The following SAMSN1 variants were observed in gnomAD, a reference collection of about 807,000 sequenced individuals.
SAMSN1 encodes SAM domain, SH3 domain and nuclear localization signals 1, also known as SAM domain-containing protein SAMSN-1.
In SAMSN1, 31 loss-of-function variants were observed where a neutral mutation model predicts 42.0. That is an observed-to-expected ratio of 0.74 (90% CI 0.55 to 1.00). SAMSN1 has a LOEUF of 1.00. Among genes scored for constraint, SAMSN1 ranks in the 50% least tolerant of loss-of-function variants. SAMSN1 has a pLI of 0.00. For missense variants in SAMSN1, 464 were observed against 439.4 expected, an observed-to-expected ratio of 1.06 and a Z score of -0.50; for synonymous variants, 178 against 151.9, an observed-to-expected ratio of 1.17 and a Z score of -1.26.
intron 1 of SAMSN1, among the ~76,000 whole-genome samples, chr21:14,644,231 G>A (rs1184360176): frequency 2.0e-5 from 3 of 152,184 alleles, no homozygotes; most frequent in South Asian, 2.1e-4. Flanking sequence ...CCTAACCCTA[G>A]GCTGCATATC....
upstream of SAMSN1, among the ~76,000 whole-genome samples, chr21:14,584,124 A>T (rs577771595): frequency 6.6e-6 from 1 of 152,316 alleles, no homozygotes; most frequent in South Asian, 2.1e-4. Context: ...ATATAGATGG[A>T]ACAAGAGGTT....
chr21:14,582,631 G>T (rs1981779651), intron 1 of SAMSN1: 2 of 421,044 alleles, frequency 4.8e-6, no homozygotes, highest in Admixed American at 4.1e-5. Flanking sequence ...ATTTACAGCA[G>T]CATTTATTTA....
intron 1 of SAMSN1, among the ~76,000 whole-genome samples, chr21:14,529,675 A>G (rs1441360303): frequency 6.6e-6 from 1 of 152,244 alleles, no homozygotes; most frequent in African/African-American, 2.4e-5. Context: ...GCTAAATAGA[A>G]TCCTGTTCAA....
chr21:14,635,531 T>G (rs182420381), intron 2 of SAMSN1, among the ~76,000 whole-genome samples: 205 of 152,326 alleles, frequency 1.3e-3, no homozygotes, highest in South Asian at 2.7e-3. Context: ...GGTTTTCTAA[T>G]GCGCATCAAC....
chr21:14,544,516 C>T (rs553672682), intron 1 of SAMSN1, among the ~76,000 whole-genome samples: 2 of 152,246 alleles, frequency 1.3e-5, no homozygotes, highest in Admixed American at 1.3e-4. Flanking sequence ...ATGCCTGTGC[C>T]TCTATATTCA....
At chr21:14,491,071 G>T (rs1384960046) in intron 7 of SAMSN1, among the ~76,000 whole-genome samples, 1 of 152,254 alleles carries the variant, frequency 6.6e-6, no homozygotes, top group East Asian at 1.9e-4. Flanking sequence ...ACCAAATAAC[G>T]TTTAAAACTG....
chr21:14,549,991 C>T (rs546518803), upstream of SAMSN1, among the ~76,000 whole-genome samples: 73 of 151,996 alleles, frequency 4.8e-4, no homozygotes, highest in African/African-American at 1.4e-3. Flanking sequence ...CATCTGATGA[C>T]GTTCTCTGCA....
chr21:14,656,355 G>C (rs1983917319), intron 1 of SAMSN1, among the ~76,000 whole-genome samples: 1 of 151,746 alleles, frequency 6.6e-6, no homozygotes, highest in Non-Finnish European at 1.5e-5. Flanking sequence ...AAATGAAAGG[G>C]ATAGAAATGA....
At chr21:14,607,491 A>G (rs540235575) in intron 5 of SAMSN1, among the ~76,000 whole-genome samples, 57 of 152,328 alleles carry the variant, frequency 3.7e-4, no homozygotes, top group African/African-American at 1.3e-3. Flanking sequence ...GGAAATGTCC[A>G]GTGACTCAAC....
intron 2 of SAMSN1, among the ~76,000 whole-genome samples, chr21:14,568,675 A>G (rs1324520716): frequency 6.6e-6 from 1 of 152,156 alleles, no homozygotes; most frequent in African/African-American, 2.4e-5. Context: ...TCCAACCCAG[A>G]ATCTTCACAA....
chr21:14,534,027 C>T (rs1472361261), intron 1 of SAMSN1, among the ~76,000 whole-genome samples: 1 of 152,168 alleles, frequency 6.6e-6, no homozygotes, highest in Non-Finnish European at 1.5e-5. Flanking sequence ...CACCCTTTTG[C>T]TAATACTTTT....
rs1568816302 is a variant in SAMSN1 at position 14,577,286 on chromosome 21, T to TATA, written c.261+4849_261+4850insTAT. On this transcript the variant is annotated intron_variant, in intron 2 of 8. Coordinates refer to the SAMSN1 transcript ENST00000285670. ...TATATATATATATATATATATATAT[T>TATA]TTTTTTTTAGAAGAGACAGGGTTTT... 3.0e-4 allele frequency among the ~76,000 whole-genome samples: 22 copies of TATA among 72,950 alleles called. 1 individual carries two copies. Among genetic ancestry groups the TATA allele is most frequent in the East Asian group, 7.4e-4 (2 of 2,712 alleles). 47.9% of individuals were successfully genotyped at this position (72,950 alleles called of 152,430 possible).
rs548643627 is a variant in SAMSN1 at position 14,595,418 on chromosome 21, T to G, written c.400-1340A>C. Among the ~76,000 whole-genome samples, 4 of 152,206 alleles carry G rather than the reference T, an allele frequency of 2.6e-5. No homozygotes were observed. In the East Asian group the frequency reaches 7.7e-4, roughly 29 times the overall value. On this transcript the variant is annotated intron_variant, in intron 6 of 15. Coordinates refer to the SAMSN1 transcript ENST00000647101. ...TCAGCCTCTAGAGCTGTGGGAAATA[T>G]GTTTCTGTTTTTACAAATTACCCAG...
chr21:14,528,324 A>G (rs1979012526), intron 1 of SAMSN1, among the ~76,000 whole-genome samples: 2 of 152,138 alleles, frequency 1.3e-5, no homozygotes, highest in African/African-American at 4.8e-5. Context: ...AAATAAATAA[A>G]TGGTACTTCT....
chr21:14,552,558 C>G (rs1980635486), intron 2 of SAMSN1, among the ~76,000 whole-genome samples: 1 of 152,048 alleles, frequency 6.6e-6, no homozygotes, highest in Non-Finnish European at 1.5e-5. Context: ...GGAAACAGGC[C>G]CTCACCAGAA....
chr21:14,631,850 T>C lies in SAMSN1; in HGVS notation c.156+11152A>G, dbSNP rs2123362933. ...CTCTAGATATTTTGAATATATATTT[T>C]CTTGCTGAAGTGGACATCTGTCTTT... is the stretch of plus-strand genomic sequence containing the variant. On this transcript the variant is annotated intron_variant, in intron 2 of 15. Transcript: ENST00000647101. Among the ~76,000 whole-genome samples, 4 of 152,330 alleles carry C rather than the reference T, an allele frequency of 2.6e-5. No homozygotes were observed. In the Middle Eastern group the frequency reaches 0.01, roughly 389 times the overall value.
At chr21:14,536,872 C>T (rs1979657030) in intron 1 of SAMSN1, among the ~76,000 whole-genome samples, 1 of 152,198 alleles carries the variant, frequency 6.6e-6, no homozygotes, top group Non-Finnish European at 1.5e-5. Context: ...TACCTATAAA[C>T]ATCCAAATGG....
At chr21:14,510,590 C>G in intron 4 of SAMSN1, 129 bp from the exon 5 acceptor site, 1 of 1,023,302 alleles carries the variant, frequency 9.8e-7, no homozygotes, top group Non-Finnish European at 1.5e-6. Context: ...TCTAATTGAC[C>G]CATCCTGGTG....
intron 2 of SAMSN1, among the ~76,000 whole-genome samples, chr21:14,567,290 G>A (rs544549662): frequency 3.7e-4 from 46 of 124,448 alleles, no homozygotes; most frequent in Admixed American, 1.2e-3. Flanking sequence ...CGGCTTGGAC[G>A]GCAAGCTTGA....
Sources: allele counts gnomAD v4.1 joint callset (sites outside exome capture counted in the v4.1 genomes callset), GRCh38; gene constraint gnomAD v4.1.1; transcripts MANE v1.5; gene names NCBI Gene and HGNC (gene_info 2026-07-23, HGNC 2026-07-21).